ANK1: variants seen among roughly 807,000 people sequenced by gnomAD.
ANK1 encodes the protein ankyrin-1.
A neutral mutation model predicts 210.4 loss-of-function variants in ANK1; 51 were observed. The observed-to-expected ratio is 0.24, with a 90% CI of 0.19 to 0.31. The LOEUF (loss-of-function observed/expected upper bound fraction) is 0.31, where lower values mean the gene tolerates loss of function less well. Ranked by LOEUF, ANK1 falls within the 10% of genes least tolerant of loss-of-function variation. ANK1 has a pLI of 1.00. For synonymous variants in ANK1, 967 were observed against 1,025.9 expected, an observed-to-expected ratio of 0.94 and a Z score of 1.10; for missense variants, 2,051 against 2,504.4, an observed-to-expected ratio of 0.82 and a Z score of 3.86.
intron 40 of ANK1, 39 bp from the exon 41 acceptor site, chr8:41,661,980 C>A (rs745616608): frequency 6.2e-7 from 1 of 1,608,810 alleles, no homozygotes; most frequent in East Asian, 2.2e-5. Flanking sequence ...CTGGTCAGGC[C>A]GGGCTCGGGG....
In ANK1 at chr8:41,689,221, T is replaced by C. The variant is rs533754080; in HGVS notation, c.4105-632A>G. 1.9e-3 allele frequency among the ~76,000 whole-genome samples: 286 copies of C among 152,170 alleles called. 4 individuals are homozygous for C. Among genetic ancestry groups the C allele is most frequent in the African/African-American group, 6.6e-3 (274 of 41,516 alleles). On this transcript the variant is annotated intron_variant, in intron 33 of 42. Transcript: ENST00000289734. ...CCACTGCAGCCTCAAACTCCCGGCC[T>C]CAAGTGATCCTTCTGCCTCAGCCTC...
chr8:41,850,753 A>T (rs1811091777), intron 1 of ANK1, among the ~76,000 whole-genome samples: 1 of 152,254 alleles, frequency 6.6e-6, no homozygotes, highest in African/African-American at 2.4e-5. Flanking sequence ...AAGTGCTGGG[A>T]TTACAAGCAT....
intron 1 of ANK1, among the ~76,000 whole-genome samples, chr8:41,792,326 C>T (rs1478313337): frequency 1.3e-5 from 2 of 152,154 alleles, no homozygotes; most frequent in Admixed American, 1.3e-4. Flanking sequence ...AAACCTCGTC[C>T]GGCAGGGGTG....
upstream of ANK1, among the ~76,000 whole-genome samples, chr8:41,802,619 G>A (rs112746406): frequency 3.3e-5 from 5 of 152,200 alleles, no homozygotes; most frequent in African/African-American, 1.2e-4. Context: ...TAGTATTGTT[G>A]AGGAAGTCTC....
rs149363052 is a variant in ANK1, at chr8:41,751,385, C to T, written c.129+6651G>A. 1.9e-3 allele frequency among the ~76,000 whole-genome samples: 289 copies of T among 152,210 alleles called. 2 individuals carry two copies. Among genetic ancestry groups the T allele is most frequent in the African/African-American group, 6.6e-3 (273 of 41,512 alleles). On this transcript the variant is annotated intron_variant, in intron 2 of 42. Coordinates refer to ENST00000289734, the MANE Select transcript of ANK1 (RefSeq NM_000037.4). ...CCCACCAGGAGAGGGAAGACCTGCTCGATGTTACCAAGCCACATAGTAGGA... is the reference window on the plus strand; with the variant it reads ...CCCACCAGGAGAGGGAAGACCTGCTTGATGTTACCAAGCCACATAGTAGGA...
At chr8:41,691,742 G>A (rs1819322861) in intron 31 of ANK1, among the ~76,000 whole-genome samples, 2 of 152,192 alleles carry the variant, frequency 1.3e-5, no homozygotes, top group African/African-American at 4.8e-5. Context: ...ACTTAGCTGT[G>A]TGACCATTGG....
intron 37 of ANK1, among the ~76,000 whole-genome samples, chr8:41,677,552 C>G (rs1363165743): frequency 2.0e-5 from 3 of 151,438 alleles, no homozygotes; most frequent in Non-Finnish European, 4.4e-5. Context: ...GATGCCACAC[C>G]ATGTTCTGGC....
intron 1 of ANK1, among the ~76,000 whole-genome samples, chr8:41,781,902 G>T (rs1845411129): frequency 6.6e-6 from 1 of 152,186 alleles, no homozygotes; most frequent in East Asian, 1.9e-4. Context: ...GAGGGCTGGG[G>T]GTCCCTGCTG....
intron 1 of ANK1, among the ~76,000 whole-genome samples, chr8:41,813,991 T>A (rs190046610): frequency 6.6e-6 from 1 of 152,364 alleles, no homozygotes; most frequent in Non-Finnish European, 1.5e-5. Context: ...GGTAACATAA[T>A]CAGTGTTTTC....
intron 1 of ANK1, among the ~76,000 whole-genome samples, chr8:41,789,615 G>C (rs1179392442): frequency 6.6e-6 from 1 of 152,242 alleles, no homozygotes; most frequent in Non-Finnish European, 1.5e-5. Context: ...TGGACATTGG[G>C]ACTGAAGACT....
chr8:41,802,777 G>C (rs541320063), intron 1 of ANK1, among the ~76,000 whole-genome samples: 1 of 151,806 alleles, frequency 6.6e-6, no homozygotes, highest in Admixed American at 6.6e-5. Flanking sequence ...AGGTGTGGTG[G>C]CTTGCATCTG....
intron 9 of ANK1, among the ~76,000 whole-genome samples, chr8:41,721,572 G>T (rs1412844082): frequency 6.7e-6 from 1 of 149,028 alleles, no homozygotes; most frequent in South Asian, 2.1e-4. Context: ...CACGAGAATC[G>T]ATTGAACCTG....
rs1819605828 is a variant in ANK1 at position 41,692,667 on chromosome 8, G to A, written c.3839C>T (p.Ala1280Val). The A allele has an allele frequency of 1.9e-6, 3 of 1,613,538 alleles. No homozygotes were observed. Among genetic ancestry groups the A allele is most frequent in the Non-Finnish European group, 1.7e-6 (2 of 1,180,010 alleles). The change falls in exon 31 of 43, where the codon GCC becomes GTC. Residue 1280 changes from alanine (A) to valine (V), a missense_variant. Transcript: ENST00000289734. ...TGTTACCTCTATGTCCCTGCTCCGG[G>A]CCACCTCCACGAAGTTCTCATGCTG... ...LEQHENFVEV[A>V]RSRDIEVLEG...
rs1356566934 is a variant in ANK1 at position 41,654,300 on chromosome 8, C to T, written c.*1490G>A. 3 of 152,696 alleles carry T rather than the reference C, an allele frequency of 2.0e-5. No homozygotes were observed. Among genetic ancestry groups the T allele is most frequent in the Non-Finnish European group, 4.4e-5 (3 of 68,068 alleles). The allele number at this position is 152,696 out of a possible 1,614,324, so 9.5% of individuals were successfully genotyped here. Reference sequence around the variant, plus strand: ...TGCCAGCTGTCTGTCTCCTTCCTGCCTTGACCCAGAGCCTGGCCCCGGCCT... The same window carrying T: ...TGCCAGCTGTCTGTCTCCTTCCTGCTTTGACCCAGAGCCTGGCCCCGGCCT... On this transcript the variant is annotated 3_prime_UTR_variant, in exon 43 of 43. Transcript: ENST00000289734.
intron 2 of ANK1, among the ~76,000 whole-genome samples, chr8:41,754,486 A>C (rs1838586088): frequency 6.6e-6 from 1 of 152,210 alleles, no homozygotes; most frequent in African/African-American, 2.4e-5. Context: ...TATGGCAAAC[A>C]GTACGCATTC....
rs1317965754 is a variant in ANK1 at position 41,694,032 on chromosome 8, G to A, written c.3398C>T (p.Thr1133Ile). The change falls in exon 29 of 43, where the codon ACC becomes ATC. Residue 1133 changes from threonine (T) to isoleucine (I), a missense_variant. Physicochemically the swap from Thr to Ile is moderately conservative, Grantham distance 89. Coordinates refer to ENST00000289734, the MANE Select transcript of ANK1 (RefSeq NM_000037.4). This position sits in a 1 kb window ranked among gnomAD's most constrained non-coding sequence, Gnocchi z 5.7. ...GAACTTCCGGCGCCGGGGCTCCACGGTGACAATGGGGCTGAATGTGGCCTG... is the reference window on the plus strand; with the variant it reads ...GAACTTCCGGCGCCGGGGCTCCACGATGACAATGGGGCTGAATGTGGCCTG... ...GNQATFSPIV[T>I]VEPRRRKFHR... is the part of the protein sequence containing the mutation. 1.2e-6 allele frequency: 2 copies of A among 1,614,072 alleles called. No individual in the cohort carries two copies. Among genetic ancestry groups the A allele is most frequent in the Admixed American group, 1.7e-5 (1 of 60,010 alleles).
upstream of ANK1, chr8:41,797,664 T>A: frequency 6.9e-7 from 1 of 1,450,190 alleles, no homozygotes; most frequent in South Asian, 1.4e-5. This position sits in a 1 kb window ranked among gnomAD's most constrained non-coding sequence, Gnocchi z 4.0. Flanking sequence ...GAGGGCCTTA[T>A]CGGCCCCAGA....
chr8:41,717,105 G>C (rs992655215), intron 12 of ANK1, 54 bp from the exon 13 acceptor site: 134 of 1,589,336 alleles, frequency 8.4e-5, no homozygotes, highest in Middle Eastern at 1.7e-4. Flanking sequence ...GTCCAAAACG[G>C]CACACACAGA....
At chr8:41,890,126 T>C (rs1405937610) in intron 1 of ANK1, among the ~76,000 whole-genome samples, 2 of 152,252 alleles carry the variant, frequency 1.3e-5, no homozygotes, top group African/African-American at 2.4e-5. Flanking sequence ...CATTATTTTA[T>C]TAGCTATACT....
Sources: gnomAD v4.1 joint callset for allele counts (sites outside exome capture counted in the v4.1 genomes callset) on GRCh38, gnomAD v4.1.1 for gene constraint, Gnocchi (gnomAD v3.1) non-coding constraint, MANE v1.5 for transcripts, NCBI Gene and HGNC (gene_info 2026-07-23, HGNC 2026-07-21) for gene names.